Variants in ARID4B observed in about 807,000 individuals in gnomAD.
ARID4B encodes AT-rich interactive domain-containing protein 4B.
A neutral mutation model predicts 147.5 loss-of-function variants in ARID4B; 26 were observed. The ratio of observed to expected loss-of-function variants is 0.18; its 90% CI spans 0.13 to 0.24. The LOEUF (loss-of-function observed/expected upper bound fraction) is 0.24. ARID4B is among the 10% of genes least tolerant of loss of function. The pLI, the probability that ARID4B is intolerant of heterozygous loss-of-function variation, is 1.00. For synonymous variants in ARID4B, 512 were observed against 507.9 expected (o/e 1.01, Z -0.11); for missense variants, 1,179 against 1,511.5 (o/e 0.78, Z 3.65).
intron 2 of ARID4B, among the ~76,000 whole-genome samples, chr1:235,299,054 A>T (rs1672947918): frequency 6.6e-6 from 1 of 152,076 alleles, no homozygotes; most frequent in Non-Finnish European, 1.5e-5. Flanking sequence ...AGGAGTTCCA[A>T]GCCAGCCTAG....
chr1:235,277,543 A>AGAAT, intron 2 of ARID4B, among the ~76,000 whole-genome samples: 1 of 141,158 alleles, frequency 7.1e-6, no homozygotes, highest in African/African-American at 2.9e-5. Flanking sequence ...TCTCAAAAAA[A>AGAAT]AAAAAAAATA....
chr1:235,275,343 C>T (rs1572133309), intron 2 of ARID4B, among the ~76,000 whole-genome samples: 1 of 152,118 alleles, frequency 6.6e-6, no homozygotes, highest in African/African-American at 2.4e-5. Context: ...ACCAATTAGC[C>T]GGTAGAGAAA....
At chr1:235,317,173 G>C (rs1405236621) in intron 2 of ARID4B, among the ~76,000 whole-genome samples, 2 of 152,158 alleles carry the variant, frequency 1.3e-5, no homozygotes, top group African/African-American at 2.4e-5. Context: ...AAAATAAAAT[G>C]AACAGTGACT....
intron 2 of ARID4B, among the ~76,000 whole-genome samples, chr1:235,261,428 G>A (rs1322485387): frequency 6.6e-6 from 1 of 152,212 alleles, no homozygotes; most frequent in African/African-American, 2.4e-5. Flanking sequence ...GGAGACTGAA[G>A]TGGGAGGAGT....
At chr1:235,173,048 T>C (rs1249386420) in intron 22 of ARID4B, among the ~76,000 whole-genome samples, 1 of 152,086 alleles carries the variant, frequency 6.6e-6, no homozygotes, top group South Asian at 2.1e-4. Context: ...AAAATCACAC[T>C]TAAAAATAAA....
chr1:235,194,250 G>C (rs772479376), intron 18 of ARID4B, 39 bp from the exon 19 acceptor site: 2 of 1,442,824 alleles, frequency 1.4e-6, no homozygotes, highest in South Asian at 1.2e-5. Context: ...TTTATCATAA[G>C]GCATTTATCA....
In ARID4B at chr1:235,208,643, T is replaced by C. The variant is rs558806748; in HGVS notation, c.1841+5126A>G. 1.3e-4 allele frequency among the ~76,000 whole-genome samples: 19 copies of C among 151,876 alleles called. No homozygotes were observed. In the East Asian group the frequency reaches 2.7e-3, roughly 22 times the overall value. ...TCACCCTACCTAGTAGCTGGGATTA[T>C]AGGCATGTGCCTCCATGCCTGGCTA... is the stretch of plus-strand genomic sequence containing the variant. On this transcript the variant is annotated intron_variant, in intron 17 of 23. Coordinates refer to ENST00000264183, the MANE Select transcript of ARID4B (RefSeq NM_016374.6).
chr1:235,277,144 G>T (rs1267019446), intron 2 of ARID4B, among the ~76,000 whole-genome samples: 2 of 152,300 alleles, frequency 1.3e-5, no homozygotes, highest in East Asian at 1.9e-4. Context: ...CATTCAGGGG[G>T]CTGAGGTGAG....
intron 12 of ARID4B, 97 bp downstream of exon 12, chr1:235,224,606 G>A: frequency 2.5e-6 from 2 of 806,814 alleles, no homozygotes; most frequent in Non-Finnish European, 4.1e-6. Context: ...AATTACTGAT[G>A]ACATAAAGTT....
chr1:235,229,032 T>C (rs1668033624), intron 11 of ARID4B, 199 bp downstream of exon 11: 1 of 591,866 alleles, frequency 1.7e-6, no homozygotes, highest in Non-Finnish European at 2.7e-6. Flanking sequence ...TCAGGCTTAA[T>C]ATTTTCTATT....
At position 235,207,597 on chromosome 1, in the gene ARID4B, C is replaced by A. The variant is rs375855304; in HGVS notation, c.1841+6172G>T. On this transcript the variant is annotated intron_variant, in intron 17 of 23. Coordinates refer to ENST00000264183, the MANE Select transcript of ARID4B (RefSeq NM_016374.6). ...GAGGTAAGGGGTGGTAGGATCAATA[C>A]CTTAATAAAGAATTTATTATTATTA... 9.9e-5 allele frequency among the ~76,000 whole-genome samples: 15 copies of A among 152,242 alleles called. No homozygotes were observed. In the East Asian group the frequency reaches 1.7e-3, roughly 18 times the overall value.
At chr1:235,238,036 C>T (rs564838414) in intron 8 of ARID4B, among the ~76,000 whole-genome samples, 28 of 150,494 alleles carry the variant, frequency 1.9e-4, no homozygotes, top group Middle Eastern at 3.5e-3. Context: ...ACCAGCTACT[C>T]GGGAGGCTGA....
rs562400395 is a variant in ARID4B at position 235,326,943 on chromosome 1, C to T, written c.-24G>A. 1.9e-6 allele frequency: 3 copies of T among 1,613,610 alleles called. No homozygotes were observed. Among genetic ancestry groups the T allele is most frequent in the Non-Finnish European group, 2.5e-6 (3 of 1,179,632 alleles). Reference sequence around the variant, plus strand: ...ATGATGACTCTGGGACCAAGGTATCCTCTAAAACACCAGGTTCAGCTGCAC... The same window carrying T: ...ATGATGACTCTGGGACCAAGGTATCTTCTAAAACACCAGGTTCAGCTGCAC... On this transcript the variant is annotated 5_prime_UTR_variant, in exon 2 of 24. Transcript: ENST00000264183.
intron 23 of ARID4B, among the ~76,000 whole-genome samples, chr1:235,171,465 C>T (rs1207832635): frequency 6.6e-6 from 1 of 152,036 alleles, no homozygotes; most frequent in Non-Finnish European, 1.5e-5. Flanking sequence ...ATTTGATTTG[C>T]ATTTCTTTGG....
intron 2 of ARID4B, among the ~76,000 whole-genome samples, chr1:235,317,126 TTC>T (rs979924902): frequency 1.3e-5 from 2 of 152,214 alleles, no homozygotes; most frequent in Non-Finnish European, 2.9e-5. Context: ...AAAAATTTTT[TTC>T]TGATTCTGCA....
At chr1:235,261,447 C>T (rs1670288860) in intron 2 of ARID4B, among the ~76,000 whole-genome samples, 1 of 152,072 alleles carries the variant, frequency 6.6e-6, no homozygotes, top group Non-Finnish European at 1.5e-5. Context: ...GTGCTTGAGC[C>T]CAAGAGGTCG....
chr1:235,281,466 G>A (rs1020055944), intron 2 of ARID4B, among the ~76,000 whole-genome samples: 4 of 135,852 alleles, frequency 2.9e-5, no homozygotes, highest in East Asian at 2.1e-4. Flanking sequence ...CACAAGAATC[G>A]ATTGAACCCA....
intron 2 of ARID4B, among the ~76,000 whole-genome samples, chr1:235,325,947 T>C (rs934838269): frequency 3.3e-5 from 5 of 152,204 alleles, no homozygotes; most frequent in African/African-American, 7.2e-5. Context: ...AAATATTTTT[T>C]TAAATAGTTC....
At chr1:235,270,376 T>C (rs1670903357) in intron 2 of ARID4B, among the ~76,000 whole-genome samples, 2 of 152,222 alleles carry the variant, frequency 1.3e-5, no homozygotes, top group African/African-American at 4.8e-5. Context: ...AATATTCTTC[T>C]TACAATTTTT....
Sources: allele counts gnomAD v4.1 joint callset (sites outside exome capture counted in the v4.1 genomes callset), GRCh38; gene constraint gnomAD v4.1.1; transcripts MANE v1.5; gene names NCBI Gene and HGNC (gene_info 2026-07-23, HGNC 2026-07-21).